Variants in HADH observed in about 807,000 individuals in gnomAD.
HADH encodes hydroxyacyl-CoA dehydrogenase.
In HADH, 24 loss-of-function variants were observed where a neutral mutation model predicts 32.2. The ratio of observed to expected loss-of-function variants is 0.75; its 90% CI spans 0.54 to 1.05. The LOEUF is 1.05. Among genes scored for constraint, HADH ranks in the 50% least tolerant of loss-of-function variants. The pLI, the probability that HADH is intolerant of heterozygous loss-of-function variation, is 0.00. For missense variants in HADH, 350 were observed against 397.1 expected (o/e 0.88, Z 1.01); for synonymous variants, 139 against 152.5 (o/e 0.91, Z 0.65).
chr4:108,000,988 G>C (rs1268945243), intron 1 of HADH, among the ~76,000 whole-genome samples: 2 of 152,200 alleles, frequency 1.3e-5, no homozygotes, highest in Non-Finnish European at 2.9e-5. Context: ...GCAGAGATTA[G>C]ACAGAGATCT....
At chr4:107,999,998 T>G (rs1295906740) in intron 1 of HADH, among the ~76,000 whole-genome samples, 2 of 152,248 alleles carry the variant, frequency 1.3e-5, no homozygotes, top group Admixed American at 1.3e-4. Context: ...TACATTGTAC[T>G]GCCTGTATGT....
At chr4:108,011,492 C>G (rs1217957087) in intron 2 of HADH, among the ~76,000 whole-genome samples, 1 of 152,170 alleles carries the variant, frequency 6.6e-6, no homozygotes, top group African/African-American at 2.4e-5. Context: ...GGGATTATTA[C>G]AATTCAGGGT....
At chr4:108,010,879 G>T (rs1375472334) in intron 2 of HADH, among the ~76,000 whole-genome samples, 2 of 141,288 alleles carry the variant, frequency 1.4e-5, no homozygotes, top group Non-Finnish European at 3.0e-5. Context: ...CTGAGACAGA[G>T]TCTCACTCTG....
chr4:108,026,878 G>A (rs150152664), intron 5 of HADH: 411 of 152,364 alleles, frequency 2.7e-3, no homozygotes, highest in Middle Eastern at 6.8e-3. Flanking sequence ...ACAAGTCCCC[G>A]GAAGAGATCA....
intron 4 of HADH, among the ~76,000 whole-genome samples, chr4:108,022,193 GTGTGTGTA>G (rs1358370355): frequency 1.0e-4 from 14 of 137,196 alleles, no homozygotes; most frequent in South Asian, 2.2e-4. Flanking sequence ...GTGTGTATGT[GTGTGTGTA>G]TGTGTGTGTG....
chr4:107,994,745 TC>T (rs1216171027), intron 1 of HADH, among the ~76,000 whole-genome samples: 1 of 152,152 alleles, frequency 6.6e-6, no homozygotes. Flanking sequence ...TCCCCCTACT[TC>T]CCGAGTTGTT....
intron 1 of HADH, among the ~76,000 whole-genome samples, chr4:108,006,384 G>T (rs375665996): frequency 6.6e-6 from 1 of 152,144 alleles, no homozygotes; most frequent in East Asian, 1.9e-4. Context: ...TCAGTATCTG[G>T]GGGTGTTTTT....
At chr4:107,992,768 TAC>T (rs561162397) in intron 1 of HADH, among the ~76,000 whole-genome samples, 96 of 152,312 alleles carry the variant, frequency 6.3e-4, no homozygotes, top group African/African-American at 2.2e-3. Flanking sequence ...GTCAAGCACT[TAC>T]ACAGTGTCTG....
intron 3 of HADH, among the ~76,000 whole-genome samples, chr4:108,018,351 A>G (rs750298833): frequency 1.6e-4 from 25 of 152,128 alleles, no homozygotes; most frequent in Admixed American, 1.2e-3. Flanking sequence ...GTAATGGGGA[A>G]TAGTTTATAT....
At chr4:108,031,270 T>C (rs1198169774) in intron 6 of HADH, 1 of 152,234 alleles carries the variant, frequency 6.6e-6, no homozygotes, top group Non-Finnish European at 1.5e-5. Flanking sequence ...TTTTTATATA[T>C]GCAGGGAGGA....
chr4:108,034,084 C>G (rs1040843419), intron 7 of HADH, among the ~76,000 whole-genome samples, 155 bp from the exon 8 acceptor site: 3 of 152,254 alleles, frequency 2.0e-5, no homozygotes, highest in African/African-American at 7.2e-5. Flanking sequence ...CCAGCACAGC[C>G]TTCCTTGGTG....
intron 2 of HADH, among the ~76,000 whole-genome samples, chr4:108,010,811 A>G (rs1232364473): frequency 6.6e-6 from 1 of 151,640 alleles, no homozygotes; most frequent in Non-Finnish European, 1.5e-5. Flanking sequence ...AAAGTTTTCA[A>G]GGTTCATCTA....
chr4:108,034,897 C>T lies in HADH; in HGVS notation c.*540C>T, dbSNP rs1578269675. 6 of 197,620 alleles carry T rather than the reference C, an allele frequency of 3.0e-5. No homozygotes were observed. In the South Asian group the frequency reaches 6.0e-4, roughly 20 times the overall value. The allele number at this position is 197,620 out of a possible 1,614,324, so 12.2% of individuals were successfully genotyped here. A position where few individuals can be genotyped will look rare whatever the true frequency, so the allele number is the denominator to read the frequency against. On this transcript the variant is annotated 3_prime_UTR_variant, in exon 8 of 8. Coordinates refer to ENST00000309522, the MANE Select transcript of HADH (RefSeq NM_005327.7). Reference sequence around the variant, plus strand: ...TAAGATGTGTCTTTATTCAGCTCGTCGTGAAGATGCTGCTGCTGAATGGGT... The same window carrying T: ...TAAGATGTGTCTTTATTCAGCTCGTTGTGAAGATGCTGCTGCTGAATGGGT...
intron 1 of HADH, 80 bp downstream of exon 1, chr4:107,990,144 G>A: frequency 6.9e-7 from 1 of 1,448,334 alleles, no homozygotes. Context: ...CCGGCCGCGA[G>A]GGGCCTGCAC....
At chr4:108,006,279 C>T (rs941656453) in intron 1 of HADH, among the ~76,000 whole-genome samples, 1 of 152,136 alleles carries the variant, frequency 6.6e-6, no homozygotes, top group African/African-American at 2.4e-5. Flanking sequence ...TGGTTTAGAG[C>T]TTCTCAGTGG....
At position 108,033,175 on chromosome 4, in the gene HADH, G is replaced by T. The variant is rs925062950; in HGVS notation, c.710-1G>T. ...ACCCAGTGCTGCCGTTTTCTCCTTA[G>T]GTGACGCATCCAAAGAAGACATTGA... On this transcript the variant is annotated splice_acceptor_variant, in intron 6 of 7. Transcript: ENST00000309522. LOFTEE classifies it high-confidence loss of function. The T allele has an allele frequency of 1.3e-6, 2 of 1,531,674 alleles. No homozygotes were observed. Among genetic ancestry groups the T allele is most frequent in the African/African-American group, 2.7e-5 (2 of 73,250 alleles). 94.9% of individuals were successfully genotyped at this position (1,531,674 alleles called of 1,614,324 possible). A position where few individuals can be genotyped will look rare whatever the true frequency, so the allele number is the denominator to read the frequency against.
Position 108,002,749 on chromosome 4 carries a change from G to T in HADH, c.133-7010G>T, listed in dbSNP as rs79735713. Among the ~76,000 whole-genome samples, 61 of 152,298 alleles carry T rather than the reference G, an allele frequency of 4.0e-4. 1 individual carries two copies. In the East Asian group the frequency reaches 0.011, roughly 27 times the overall value. The stretch of plus-strand genomic sequence containing the variant: ...GCCCTCACCAGACACTGAACATGCT[G>T]ATGATCTTGATCTCTGTTGTTTATA... On this transcript the variant is annotated intron_variant, in intron 1 of 7. Coordinates refer to ENST00000309522, the MANE Select transcript of HADH (RefSeq NM_005327.7).
At chr4:108,002,977 C>T (rs2126222352) in intron 1 of HADH, among the ~76,000 whole-genome samples, 1 of 152,318 alleles carries the variant, frequency 6.6e-6, no homozygotes, top group African/African-American at 2.4e-5. Context: ...CTTTAATCCT[C>T]ACAACAGTTT....
In HADH at chr4:108,034,469, A is replaced by C; in HGVS notation, c.*112A>C. The C allele has an allele frequency of 1.3e-6, 1 of 768,770 alleles. No homozygotes were observed. Among genetic ancestry groups the C allele is most frequent in the Non-Finnish European group, 2.4e-6 (1 of 411,976 alleles). 47.6% of individuals were successfully genotyped at this position (768,770 alleles called of 1,614,324 possible). On this transcript the variant is annotated 3_prime_UTR_variant, in exon 8 of 8. Coordinates refer to ENST00000309522, the MANE Select transcript of HADH (RefSeq NM_005327.7). The stretch of plus-strand genomic sequence containing the variant: ...GACATTCCCTCACACAGTACAGTTT[A>C]ATAAATGTGCATTTTGATTGTAATC...
Sources: allele counts gnomAD v4.1 joint callset (sites outside exome capture counted in the v4.1 genomes callset), GRCh38; gene constraint gnomAD v4.1.1; transcripts MANE v1.5; gene names NCBI Gene and HGNC (gene_info 2026-07-23, HGNC 2026-07-21).